The following MRPS15 variants were observed in gnomAD, a reference collection of about 807,000 sequenced individuals.
The protein encoded by MRPS15 is small ribosomal subunit protein uS15m.
MRPS15 carries 25 observed loss-of-function variants against 30.7 expected under a neutral mutation model. That is an observed-to-expected ratio of 0.81 (90% CI 0.59 to 1.14). The LOEUF is 1.14. MRPS15 is among the 50% of genes most tolerant of loss of function. The pLI is 0.00. For missense variants in MRPS15, 313 were observed against 321.7 expected (o/e 0.97, Z 0.21); for synonymous variants, 124 against 120.1 (o/e 1.03, Z -0.21).
At chr1:36,457,644 G>A (rs756331936) in intron 6 of MRPS15, among the ~76,000 whole-genome samples, 11 of 152,182 alleles carry the variant, frequency 7.2e-5, no homozygotes, top group Non-Finnish European at 1.5e-5. Context: ...GGCAGAGCTC[G>A]GATTTGAACC....
chr1:36,461,232 C>T (rs777506565), intron 4 of MRPS15, 32 bp downstream of exon 4: 60 of 1,611,502 alleles, frequency 3.7e-5, no homozygotes, highest in African/African-American at 2.0e-4. Context: ...GAGAAGACTG[C>T]GGGAGGCTGA....
chr1:36,460,881 TA>T, intron 4 of MRPS15, 105 bp from the exon 5 acceptor site: 1 of 923,412 alleles, frequency 1.1e-6, no homozygotes, highest in Non-Finnish European at 1.7e-6. Context: ...ACTAGGGCCA[TA>T]AGGCTCAGGG....
intron 5 of MRPS15, 73 bp downstream of exon 5, chr1:36,460,619 G>C (rs993636740): frequency 2.6e-6 from 3 of 1,164,328 alleles, no homozygotes; most frequent in African/African-American, 3.0e-5. Flanking sequence ...TGTGCTTGTA[G>C]ACAAGAGCCC....
intron 2 of MRPS15, 94 bp from the exon 3 acceptor site, chr1:36,462,257 A>T: frequency 1.1e-6 from 1 of 885,564 alleles, no homozygotes. Context: ...CTCCAACTCC[A>T]GAAGGGACAT....
chr1:36,464,070 T>TCCTGTGCTTCCTTCTCCCCTACC, intron 1 of MRPS15, 76 bp downstream of exon 1: 1 of 1,576,924 alleles, frequency 6.3e-7, no homozygotes, highest in Non-Finnish European at 8.6e-7. Context: ...TCTCCCCTAC[T>TCCTGTGCTTCCTTCTCCCCTACC]CCTGTGCTTC....
chr1:36,455,984 G>C, intron 7 of MRPS15, 59 bp from the exon 8 acceptor site: 1 of 1,582,920 alleles, frequency 6.3e-7, no homozygotes, highest in Non-Finnish European at 8.6e-7. Flanking sequence ...CTCAGACTTG[G>C]AACAAGTGGG....
chr1:36,457,874 T>C (rs921154321), intron 6 of MRPS15, 49 bp downstream of exon 6: 21 of 1,587,512 alleles, frequency 1.3e-5, no homozygotes, highest in East Asian at 4.5e-5. Flanking sequence ...TCCGGACCCC[T>C]TTCCCCCAGG....
chr1:36,459,567 C>G (rs972026251), intron 5 of MRPS15: 4 of 152,230 alleles, frequency 2.6e-5, no homozygotes, highest in Admixed American at 6.5e-5. Flanking sequence ...GAGCTGGTCC[C>G]TAGCCCAGGG....
At chr1:36,463,912 C>A in intron 1 of MRPS15, 62 bp from the exon 2 acceptor site, 1 of 1,564,152 alleles carries the variant, frequency 6.4e-7, no homozygotes, top group Admixed American at 1.9e-5. Flanking sequence ...CAGTTCCTTT[C>A]TGTGCCCCTC....
At chr1:36,460,096 C>T (rs1440360504) in intron 5 of MRPS15, among the ~76,000 whole-genome samples, 11 of 152,112 alleles carry the variant, frequency 7.2e-5, no homozygotes, top group South Asian at 2.1e-4. Context: ...CTGCAAGCTC[C>T]GCCTCCCAGG....
At chr1:36,464,067 T>TACTCCTGTGCTTCCTTCTCCCCC in intron 1 of MRPS15, 79 bp downstream of exon 1, 1 of 1,573,438 alleles carries the variant, frequency 6.4e-7, no homozygotes, top group Non-Finnish European at 8.6e-7. Flanking sequence ...ATATCTCCCC[T>TACTCCTGTGCTTCCTTCTCCCCC]ACTCCTGTGC....
chr1:36,464,161 C>T lies in MRPS15; in HGVS notation c.115G>A (p.Gly39Ser), dbSNP rs202104916. 86 of 1,613,854 alleles carry T rather than the reference C, an allele frequency of 5.3e-5. No homozygotes were observed. In the East Asian group the frequency reaches 1.4e-3, roughly 26 times the overall value. ...AGCTCCTCACTTCGAGGCTGCAGGC[C>T]CCACTGGTTGAAAGGAAACTTGGCG... ...GSAKFPFNQW[G>S]LQPRSLLLQA... Residue 39 changes from glycine (G) to serine (S), a missense_variant, in exon 1 of 8, where the codon GGC becomes AGC. Physicochemically the swap from Gly to Ser is moderately conservative, Grantham distance 56. Coordinates refer to ENST00000373116, the MANE Select transcript of MRPS15 (RefSeq NM_031280.4).
chr1:36,456,084 G>T, intron 7 of MRPS15, 103 bp downstream of exon 7: 2 of 1,488,910 alleles, frequency 1.3e-6, no homozygotes, highest in Non-Finnish European at 1.8e-6. Flanking sequence ...CAGGGCCTGG[G>T]GCCAGTTCCA....
chr1:36,464,109 T>A lies in MRPS15; in HGVS notation c.130+37A>T. Reference sequence around the variant, plus strand: ...ATTCCCTATCTTCGCCGAACCCTGTTTCCCTACGCCCGCCGTCCCATTTCT... The same window carrying A: ...ATTCCCTATCTTCGCCGAACCCTGTATCCCTACGCCCGCCGTCCCATTTCT... On this transcript the variant is annotated intron_variant, in intron 1 of 7. Coordinates refer to ENST00000373116, the MANE Select transcript of MRPS15 (RefSeq NM_031280.4). The A allele has an allele frequency of 1.9e-6, 3 of 1,605,066 alleles. No individual in the cohort carries two copies. In the South Asian group the frequency reaches 3.3e-5, roughly 18 times the overall value.
At position 36,457,913 on chromosome 1, in the gene MRPS15, C is replaced by T; in HGVS notation, c.444+10G>A. On this transcript the variant is annotated intron_variant, in intron 6 of 7. Transcript: ENST00000373116. ...CTGCTGTTTAACTGTGAATGACGTC[C>T]AGAGTTTACCTTTCGATGTTTCTCC... The T allele has an allele frequency of 1.9e-6, 3 of 1,614,004 alleles. No homozygotes were observed. The highest frequency in any genetic ancestry group is 2.5e-6 in the Non-Finnish European group (3 of 1,179,848).
chr1:36,457,765 C>A (rs572420365), intron 6 of MRPS15, among the ~76,000 whole-genome samples, 158 bp downstream of exon 6: 1 of 152,300 alleles, frequency 6.6e-6, no homozygotes, highest in South Asian at 2.1e-4. Flanking sequence ...CCTGGTGACA[C>A]TCAGCATGGC....
chr1:36,455,835 C>G lies in MRPS15; in HGVS notation c.727G>C (p.Asp243His). 1 of 1,614,170 alleles carries G rather than the reference C, an allele frequency of 6.2e-7. No homozygotes were observed. The highest frequency in any genetic ancestry group is 8.5e-7 in the Non-Finnish European group (1 of 1,180,032). ...AQKQAKRRNP[D>H]SPAKAIPKTL... ...TTTGGTATGGCTTTGGCAGGGCTGTCTGGGTTCCTCCGCTTTGCTTGTTTT... is the reference window on the plus strand; with the variant it reads ...TTTGGTATGGCTTTGGCAGGGCTGTGTGGGTTCCTCCGCTTTGCTTGTTTT... The change falls in exon 8 of 8, where the codon GAC (aspartate) becomes CAC (histidine). Residue 243 changes from aspartate (D) to histidine (H), a missense_variant. Transcript: ENST00000373116.
chr1:36,460,008 T>C (rs1269315908), intron 5 of MRPS15, among the ~76,000 whole-genome samples: 1 of 152,158 alleles, frequency 6.6e-6, no homozygotes, highest in Non-Finnish European at 1.5e-5. Context: ...TTCAAAATGT[T>C]GGTCTTATTT....
rs1570568112 is a variant in MRPS15, at chr1:36,456,393, C to T, written c.445-15G>A. On this transcript the variant is annotated splice_polypyrimidine_tract_variant and intron_variant, in intron 6 of 7. Transcript: ENST00000373116. ...TGGGCTTTGTCCTGCAAGAGATTCT[C>T]ATTACTTTTAGTATTATATAAGTGT... The T allele has an allele frequency of 2.5e-6, 4 of 1,581,826 alleles. No individual in the cohort carries two copies. In the East Asian group the frequency reaches 9.1e-5, roughly 36 times the overall value.
Sources: gnomAD v4.1 joint callset for allele counts (sites outside exome capture counted in the v4.1 genomes callset) on GRCh38, gnomAD v4.1.1 for gene constraint, MANE v1.5 for transcripts, NCBI Gene and HGNC (gene_info 2026-07-23, HGNC 2026-07-21) for gene names.